The following GRIK5 variants were observed in gnomAD, a reference collection of about 807,000 sequenced individuals.
GRIK5 encodes the protein glutamate ionotropic receptor kainate type subunit 5, also known as glutamate receptor ionotropic, kainate 5.
In GRIK5, 43 loss-of-function variants were observed where a neutral mutation model predicts 97.4. The ratio of observed to expected loss-of-function variants is 0.44; its 90% CI spans 0.35 to 0.57. GRIK5 has a LOEUF of 0.57. Among genes scored for constraint, GRIK5 ranks in the 20% least tolerant of loss-of-function variants. GRIK5 has a pLI of 0.01. For missense variants in GRIK5, 1,015 were observed against 1,382.0 expected (o/e 0.73, Z 4.21); for synonymous variants, 580 against 583.5 (o/e 0.99, Z 0.09).
chr19:42,035,286 G>A (rs1429913506), intron 12 of GRIK5, among the ~76,000 whole-genome samples: 7 of 152,048 alleles, frequency 4.6e-5, no homozygotes, highest in African/African-American at 1.2e-4. Context: ...TGGCCTAAAC[G>A]TAGCTGTTTT....
At chr19:42,027,277 T>C (rs1470822960) in intron 12 of GRIK5, among the ~76,000 whole-genome samples, 1 of 152,092 alleles carries the variant, frequency 6.6e-6, no homozygotes, top group African/African-American at 2.4e-5. Flanking sequence ...TTGGATCTGC[T>C]CCCCACTGTT....
Position 42,065,623 on chromosome 19 carries a change from G to T in GRIK5, c.79+69C>A. 2 of 1,286,332 alleles carry T rather than the reference G, an allele frequency of 1.6e-6. No homozygotes were observed. The highest frequency in any genetic ancestry group is 2.2e-6 in the Non-Finnish European group (2 of 925,430). 79.7% of individuals were successfully genotyped at this position (1,286,332 alleles called of 1,614,324 possible). The stretch of plus-strand genomic sequence containing the variant: ...GCTGAGACCTGGACCCTGACGGACT[G>T]GCATGCCTGGGTCCCCAGAGGAGCC... On this transcript the variant is annotated intron_variant, in intron 2 of 19. Coordinates refer to ENST00000593562, the MANE Select transcript of GRIK5 (RefSeq NM_002088.5). This position sits in a 1 kb window ranked among gnomAD's most constrained non-coding sequence, Gnocchi z 5.8.
chr19:42,052,986 C>T, intron 11 of GRIK5, among the ~76,000 whole-genome samples: 1 of 152,226 alleles, frequency 6.6e-6, no homozygotes, highest in East Asian at 1.9e-4. Context: ...GGGCCTAGCA[C>T]AGTGCCCGGT....
chr19:42,028,256 T>C (rs1399499928), intron 12 of GRIK5, among the ~76,000 whole-genome samples: 1 of 112,062 alleles, frequency 8.9e-6, no homozygotes, highest in East Asian at 2.9e-4. Flanking sequence ...GAATGACAAG[T>C]CACCTGTAAT....
intron 11 of GRIK5, among the ~76,000 whole-genome samples, chr19:42,043,269 A>G (rs1449874334): frequency 6.6e-6 from 1 of 152,096 alleles, no homozygotes; most frequent in Non-Finnish European, 1.5e-5. Flanking sequence ...ATCTTTCCAC[A>G]TGGCTGGTAA....
At chr19:42,067,636 A>C (rs2076355470) in intron 1 of GRIK5, among the ~76,000 whole-genome samples, 1 of 152,098 alleles carries the variant, frequency 6.6e-6, no homozygotes, top group African/African-American at 2.4e-5. Flanking sequence ...AGACCGAGGG[A>C]GAGATGGGAC....
chr19:42,005,167 C>T (rs1437654007), intron 17 of GRIK5, among the ~76,000 whole-genome samples: 3 of 138,708 alleles, frequency 2.2e-5, no homozygotes, highest in African/African-American at 5.4e-5. Flanking sequence ...CTGGGCCATG[C>T]GAGGTGGCTC....
At chr19:42,005,429 C>A (rs2075477095) in intron 17 of GRIK5, among the ~76,000 whole-genome samples, 1 of 152,156 alleles carries the variant, frequency 6.6e-6, no homozygotes, top group African/African-American at 2.4e-5. Context: ...CCCCACAGGG[C>A]CCTTGGGGGA....
chr19:42,034,929 A>C (rs546332043), intron 12 of GRIK5, among the ~76,000 whole-genome samples: 1 of 152,124 alleles, frequency 6.6e-6, no homozygotes, highest in Non-Finnish European at 1.5e-5. Context: ...GCCAGGATGC[A>C]GTGGGTGCAG....
chr19:42,066,375 G>A (rs768692683), intron 1 of GRIK5, among the ~76,000 whole-genome samples: 27 of 151,802 alleles, frequency 1.8e-4, no homozygotes, highest in Non-Finnish European at 4.0e-4. Context: ...GAGTATCTGG[G>A]AGTTAGGAAA....
At chr19:42,056,851 T>C in intron 7 of GRIK5, 28 bp from the exon 8 acceptor site, 1 of 1,613,728 alleles carries the variant, frequency 6.2e-7, no homozygotes, top group Non-Finnish European at 8.5e-7. Flanking sequence ...TGGTGAGGCC[T>C]GGGGCTAAGC....
intron 8 of GRIK5, 144 bp downstream of exon 8, chr19:42,056,518 G>A: frequency 1.5e-6 from 1 of 656,316 alleles, no homozygotes; most frequent in South Asian, 1.9e-5. Flanking sequence ...GGAGGACATG[G>A]GTCCAATGCA....
rs2076316436 is a variant in GRIK5, at chr19:42,065,362, C to T, written c.105G>A (p.Val35=). ...RMAAILDDQT[V]CGRGERLALA... ...AGGCCAGACGCTCACCGCGGCCACACACTGTCTGATCATCCAGGATTGCAG... is the reference window on the plus strand; with the variant it reads ...AGGCCAGACGCTCACCGCGGCCACATACTGTCTGATCATCCAGGATTGCAG... Residue 35 remains valine, a synonymous_variant, in exon 3 of 20, where the codon GTG becomes GTA. Transcript: ENST00000593562. The surrounding 1 kb of genome is among the most constrained non-coding windows in gnomAD (Gnocchi z 5.8). 6.3e-7 allele frequency: 1 copy of T among 1,599,152 alleles called. No individual in the cohort carries two copies. The highest frequency in any genetic ancestry group is 8.5e-7 in the Non-Finnish European group (1 of 1,171,544).
In GRIK5 at chr19:41,999,126, G is replaced by A. The variant is rs1555870261; in HGVS notation, c.2688C>T (p.Gly896=). Residue 896 remains glycine (G), a synonymous_variant, in exon 20 of 20, where the codon GGC becomes GGT. Coordinates refer to ENST00000593562, the MANE Select transcript of GRIK5 (RefSeq NM_002088.5). The surrounding 1 kb of genome is among the most constrained non-coding windows in gnomAD (Gnocchi z 5.0). Reference sequence around the variant, plus strand: ...CCCCGTGCGCGCTGCCCGCATCCCCGCCCGCGCCGGCCGAGTAGAGCTTGC... The same window carrying A: ...CCCCGTGCGCGCTGCCCGCATCCCCACCCGCGCCGGCCGAGTAGAGCTTGC... ...SNGKLYSAGA[G]GDAGSAHGGP... The A allele has an allele frequency of 4.9e-6, 7 of 1,429,512 alleles. No homozygotes were observed. The highest frequency in any genetic ancestry group is 2.7e-6 in the Non-Finnish European group (3 of 1,097,992). 88.6% of individuals were successfully genotyped at this position (1,429,512 alleles called of 1,614,324 possible).
chr19:42,046,340 A>C (rs1289006562), intron 11 of GRIK5, among the ~76,000 whole-genome samples: 2 of 152,164 alleles, frequency 1.3e-5, no homozygotes, highest in African/African-American at 4.8e-5. Flanking sequence ...CTAGGACTCA[A>C]CTTAGAGTCA....
At chr19:42,044,494 G>T (rs2076018989) in intron 11 of GRIK5, among the ~76,000 whole-genome samples, 1 of 152,174 alleles carries the variant, frequency 6.6e-6, no homozygotes, top group African/African-American at 2.4e-5. Context: ...CAGAAAGAAT[G>T]GTCCAAGTGC....
At chr19:42,010,155 T>C (rs1207752822) in intron 15 of GRIK5, among the ~76,000 whole-genome samples, 1 of 149,496 alleles carries the variant, frequency 6.7e-6, no homozygotes, top group Non-Finnish European at 1.5e-5. Context: ...GTGATGAAAA[T>C]GAGCACAGAG....
rs779213403 is a variant in GRIK5, at chr19:42,059,433, T to C, written c.603A>G (p.Pro201=). The change falls in exon 6 of 20, where the codon CCA becomes CCG. Residue 201 remains proline (P), a synonymous_variant. Coordinates refer to ENST00000593562, the MANE Select transcript of GRIK5 (RefSeq NM_002088.5). ...RMLDDSRDPT[P]LLKEIRDDKV... ...TGTCATCACGGATCTCCTTGAGCAG[T>C]GGTGTGGGGTCCCGGCTGTCGTCCA... 1.2e-6 allele frequency: 2 copies of C among 1,613,624 alleles called. No homozygotes were observed. The highest frequency in any genetic ancestry group is 1.1e-5 in the South Asian group (1 of 91,068).
In GRIK5 at chr19:41,999,867, G is replaced by A. The variant is rs1196171182; in HGVS notation, c.2515-568C>T. Reference sequence around the variant, plus strand: ...ATCGGGAAGAGGCCTAAGGTGTATGGGTAGGGAGTGACGATGAATTCTGAG... The same window carrying A: ...ATCGGGAAGAGGCCTAAGGTGTATGAGTAGGGAGTGACGATGAATTCTGAG... On this transcript the variant is annotated intron_variant, in intron 19 of 19. Transcript: ENST00000593562. This position sits in a 1 kb window ranked among gnomAD's most constrained non-coding sequence, Gnocchi z 5.0. 1.3e-5 allele frequency among the ~76,000 whole-genome samples: 2 copies of A among 152,226 alleles called. No homozygotes were observed.
Sources: allele counts gnomAD v4.1 joint callset (sites outside exome capture counted in the v4.1 genomes callset), GRCh38; gene constraint gnomAD v4.1.1; non-coding constraint Gnocchi (gnomAD v3.1); transcripts MANE v1.5; gene names NCBI Gene and HGNC (gene_info 2026-07-23, HGNC 2026-07-21).